Variants in CCBE1 observed in about 807,000 individuals in gnomAD.
CCBE1 encodes the protein collagen and calcium binding EGF domains 1, also known as collagen and calcium-binding EGF domain-containing protein 1.
In CCBE1, 37 loss-of-function variants were observed where a neutral mutation model predicts 50.0. That is an observed-to-expected ratio of 0.74 (90% confidence interval 0.57 to 0.97). The LOEUF is 0.97. Among genes scored for constraint, CCBE1 ranks in the 50% least tolerant of loss-of-function variants. The probability of loss-of-function intolerance (pLI) is 0.00; values close to 1 mark genes in which losing one functional copy is unlikely to be tolerated. For synonymous variants in CCBE1, 234 were observed against 203.7 expected (o/e 1.15, Z -1.27); for missense variants, 538 against 523.8 (o/e 1.03, Z -0.26).
chr18:59,540,253 T>C (rs1333188692), intron 2 of CCBE1, among the ~76,000 whole-genome samples: 6 of 152,204 alleles, frequency 3.9e-5, no homozygotes, highest in African/African-American at 1.4e-4. Flanking sequence ...TTTTTGTTGG[T>C]TTTTAGTATT....
At chr18:59,520,088 G>T (rs1914535206) in intron 2 of CCBE1, among the ~76,000 whole-genome samples, 1 of 152,164 alleles carries the variant, frequency 6.6e-6, no homozygotes, top group Non-Finnish European at 1.5e-5. Context: ...TTGTAGTATA[G>T]TTTGAAGTCA....
intron 3 of CCBE1, among the ~76,000 whole-genome samples, chr18:59,477,532 A>ATG (rs1376304250): frequency 6.3e-5 from 7 of 110,478 alleles, no homozygotes; most frequent in Admixed American, 5.3e-4. Context: ...GATTATTTCC[A>ATG]TGTCTCTGTG....
At chr18:59,695,141 C>T (rs917152154) in intron 2 of CCBE1, among the ~76,000 whole-genome samples, 3 of 152,172 alleles carry the variant, frequency 2.0e-5, no homozygotes, top group African/African-American at 4.8e-5. Flanking sequence ...ATGTGAAGTC[C>T]GACCTTCAGG....
chr18:59,576,708 C>T (rs150677211), intron 2 of CCBE1, among the ~76,000 whole-genome samples: 1 of 152,190 alleles, frequency 6.6e-6, no homozygotes, highest in Non-Finnish European at 1.5e-5. Flanking sequence ...GCTCTGCCAA[C>T]CTGCCACTCC....
At chr18:59,633,287 G>A (rs557068006) in intron 2 of CCBE1, among the ~76,000 whole-genome samples, 5 of 152,128 alleles carry the variant, frequency 3.3e-5, no homozygotes, top group African/African-American at 4.8e-5. Flanking sequence ...AGCTCGCGAC[G>A]AATTACATGA....
chr18:59,525,477 T>A (rs944758222), intron 2 of CCBE1, among the ~76,000 whole-genome samples: 7 of 152,216 alleles, frequency 4.6e-5, no homozygotes, highest in Admixed American at 2.0e-4. Context: ...GTTGCAAAAG[T>A]TCCTCGTAGA....
chr18:59,442,583 CTGGACTTGA>C (rs1910483667), intron 7 of CCBE1, among the ~76,000 whole-genome samples: 1 of 152,030 alleles, frequency 6.6e-6, no homozygotes, highest in Non-Finnish European at 1.5e-5. Flanking sequence ...CAAAAATTAG[CTGGACTTGA>C]TGGCAAGCGC....
chr18:59,504,735 T>C (rs963091524), intron 2 of CCBE1, among the ~76,000 whole-genome samples: 1 of 152,210 alleles, frequency 6.6e-6, no homozygotes, highest in Non-Finnish European at 1.5e-5. Flanking sequence ...TGCCTCCACA[T>C]GTGAAATGAA....
At chr18:59,678,289 A>AG (rs2054536118) in intron 2 of CCBE1, among the ~76,000 whole-genome samples, 1 of 152,192 alleles carries the variant, frequency 6.6e-6, no homozygotes, top group South Asian at 2.1e-4. Context: ...CAGAAGGACC[A>AG]GGGGGGTGTT....
intron 5 of CCBE1, among the ~76,000 whole-genome samples, chr18:59,462,787 A>AAC (rs1407850371): frequency 2.0e-5 from 3 of 152,320 alleles, no homozygotes; most frequent in East Asian, 1.9e-4. Flanking sequence ...CAAACACCTG[A>AAC]ACACAGGACC....
In CCBE1 at chr18:59,661,168, CTA is replaced by C. The variant is rs1170450458; in HGVS notation, c.212+35459_212+35460del. ...CATCTCAGCCATCTGAGAGGCGTCTCTATGGATCTGCAGACTGGAGACCAACA... is the reference window on the plus strand; with the variant it reads ...CATCTCAGCCATCTGAGAGGCGTCTCTGGATCTGCAGACTGGAGACCAACA... On this transcript the variant is annotated intron_variant, in intron 2 of 10. Transcript: ENST00000439986. Among the ~76,000 whole-genome samples the C allele has an allele frequency of 2.6e-5, 4 of 152,304 alleles. No individual in the cohort carries two copies. In the South Asian group the frequency reaches 8.3e-4, roughly 32 times the overall value.
Position 59,480,129 on chromosome 18 carries a change from G to C in CCBE1, c.265+57C>G, listed in dbSNP as rs1912498922. ...ATTCCATGAACATCTGAAGTTGATA[G>C]ACTTTGAATGATTAGTTGTGAATAA... On this transcript the variant is annotated intron_variant, in intron 3 of 10. Transcript: ENST00000439986. 3.8e-6 allele frequency: 4 copies of C among 1,064,864 alleles called. No individual in the cohort carries two copies. The South Asian group carries it at 3.8e-5, about 10-fold the overall frequency. The allele number at this position is 1,064,864 out of a possible 1,614,324, so 66.0% of individuals were successfully genotyped here.
chr18:59,664,118 G>A (rs948743804), intron 2 of CCBE1, among the ~76,000 whole-genome samples: 3 of 152,146 alleles, frequency 2.0e-5, no homozygotes, highest in Non-Finnish European at 4.4e-5. Context: ...CCCTCTCCCA[G>A]GTTGTGGGCT....
chr18:59,648,180 G>A (rs1480648035), intron 2 of CCBE1, among the ~76,000 whole-genome samples: 1 of 152,232 alleles, frequency 6.6e-6, no homozygotes, highest in African/African-American at 2.4e-5. Flanking sequence ...GAGCAAGTTA[G>A]AAGCCTACTC....
chr18:59,656,194 C>T (rs565144129), intron 2 of CCBE1, among the ~76,000 whole-genome samples: 146 of 152,290 alleles, frequency 9.6e-4, no homozygotes, highest in Non-Finnish European at 1.2e-3. Flanking sequence ...AGCAGATCCA[C>T]TTCAATTGAA....
At chr18:59,470,508 T>TG (rs1911980304) in intron 3 of CCBE1, among the ~76,000 whole-genome samples, 1 of 152,258 alleles carries the variant, frequency 6.6e-6, no homozygotes, top group Non-Finnish European at 1.5e-5. Flanking sequence ...GTGTGCATCC[T>TG]GGGGGGTTGA....
chr18:59,690,019 G>A (rs908645335), intron 2 of CCBE1, among the ~76,000 whole-genome samples: 6 of 152,066 alleles, frequency 3.9e-5, no homozygotes, highest in African/African-American at 1.2e-4. Flanking sequence ...TCCAAAACAA[G>A]TATCTTAAAA....
chr18:59,613,033 G>A (rs1164457146), intron 2 of CCBE1, among the ~76,000 whole-genome samples: 4 of 152,004 alleles, frequency 2.6e-5, no homozygotes, highest in African/African-American at 9.7e-5. Context: ...AAGGAATTCG[G>A]AGAAGACAGA....
chr18:59,518,799 T>C (rs1331652652), intron 2 of CCBE1, among the ~76,000 whole-genome samples: 1 of 152,222 alleles, frequency 6.6e-6, no homozygotes, highest in Non-Finnish European at 1.5e-5. Context: ...TTTCTCTGGC[T>C]ACCAGAGTCT....
Sources: gnomAD v4.1 joint callset for allele counts (sites outside exome capture counted in the v4.1 genomes callset) on GRCh38, gnomAD v4.1.1 for gene constraint, MANE v1.5 for transcripts, NCBI Gene and HGNC (gene_info 2026-07-23, HGNC 2026-07-21) for gene names.